Variants in CASQ2 observed in about 807,000 individuals in gnomAD.
The protein encoded by CASQ2 is calsequestrin-2.
In CASQ2, 49 loss-of-function variants were observed where a neutral mutation model predicts 46.5. The observed-to-expected ratio is 1.05, with a 90% CI of 0.84 to 1.34. The LOEUF is 1.34. Among genes scored for constraint, CASQ2 ranks in the 40% most tolerant of loss-of-function variants. The probability of loss-of-function intolerance (pLI) is 0.00; values close to 1 mark genes in which losing one functional copy is unlikely to be tolerated. For synonymous variants in CASQ2, 174 were observed against 168.5 expected (o/e 1.03, Z -0.25); for missense variants, 486 against 481.3 (o/e 1.01, Z -0.09).
chr1:115,739,816 T>C (rs559029561), intron 3 of CASQ2, among the ~76,000 whole-genome samples: 288 of 152,328 alleles, frequency 1.9e-3, no homozygotes, highest in Non-Finnish European at 2.7e-3. Flanking sequence ...AATCACATTG[T>C]TTATTGTTTG....
At chr1:115,706,398 C>T (rs553118644) in intron 8 of CASQ2, among the ~76,000 whole-genome samples, 1 of 152,284 alleles carries the variant, frequency 6.6e-6, no homozygotes, top group South Asian at 2.1e-4. Context: ...AAAAGCCTGT[C>T]AGAAGGCCCC....
In CASQ2 at chr1:115,768,465, G is replaced by A. The variant is rs760629090; in HGVS notation, c.77C>T (p.Pro26Leu). The A allele has an allele frequency of 1.9e-6, 3 of 1,613,670 alleles. No individual in the cohort carries two copies. The highest frequency in any genetic ancestry group is 1.3e-5 in the African/African-American group (1 of 74,880). ...CACTCGGTCCTTCCCATCATATGTGGGGAAATTAAGCCCCTCTTCTGCCCT... is the reference window on the plus strand; with the variant it reads ...CACTCGGTCCTTCCCATCATATGTGAGGAAATTAAGCCCCTCTTCTGCCCT... ...SCRAEEGLNF[P>L]TYDGKDRVVS... Residue 26 changes from proline (P) to leucine (L), a missense_variant, in exon 1 of 11, where the codon CCC becomes CTC. Coordinates refer to ENST00000261448, the MANE Select transcript of CASQ2 (RefSeq NM_001232.4).
chr1:115,712,166 G>C (rs1028109414), intron 8 of CASQ2, among the ~76,000 whole-genome samples: 1 of 152,178 alleles, frequency 6.6e-6, no homozygotes, highest in Non-Finnish European at 1.5e-5. Flanking sequence ...GGACAGACAA[G>C]GCTGGGAGCT....
chr1:115,734,296 G>A (rs1647883881), intron 4 of CASQ2, among the ~76,000 whole-genome samples: 1 of 152,204 alleles, frequency 6.6e-6, no homozygotes, highest in African/African-American at 2.4e-5. Flanking sequence ...GCAGCAGTGG[G>A]CTCTATCAGA....
intron 1 of CASQ2, among the ~76,000 whole-genome samples, chr1:115,766,824 G>T (rs1188916590): frequency 1.3e-5 from 2 of 151,828 alleles, no homozygotes; most frequent in Non-Finnish European, 2.9e-5. Flanking sequence ...TCATGATTTT[G>T]CATAGTCTTT....
intron 8 of CASQ2, among the ~76,000 whole-genome samples, chr1:115,713,564 A>G (rs1021602696): frequency 5.9e-5 from 9 of 152,172 alleles, no homozygotes; most frequent in African/African-American, 1.9e-4. Context: ...CTGGGGGAAG[A>G]AAGTGGTTGG....
At chr1:115,752,639 G>A (rs936367666) in intron 1 of CASQ2, among the ~76,000 whole-genome samples, 4 of 152,182 alleles carry the variant, frequency 2.6e-5, no homozygotes, top group Non-Finnish European at 4.4e-5. Flanking sequence ...TGCTTGAACA[G>A]TGGGCTTATT....
chr1:115,750,215 G>C (rs1201986845), intron 1 of CASQ2, among the ~76,000 whole-genome samples: 2 of 152,202 alleles, frequency 1.3e-5, no homozygotes, highest in East Asian at 3.9e-4. Flanking sequence ...AAAAGGTAGA[G>C]TCAATATATC....
chr1:115,744,499 C>A (rs947427621), intron 2 of CASQ2, among the ~76,000 whole-genome samples: 3 of 152,200 alleles, frequency 2.0e-5, no homozygotes, highest in Admixed American at 2.0e-4. Context: ...GAGATCACCA[C>A]AGTGGTGAGA....
chr1:115,735,940 T>G (rs1647940151), intron 4 of CASQ2, among the ~76,000 whole-genome samples: 3 of 152,008 alleles, frequency 2.0e-5, no homozygotes, highest in Admixed American at 6.5e-5. Flanking sequence ...GGCGGGTGGA[T>G]CATCTGAGGT....
At chr1:115,730,239 A>G (rs1182115477) in intron 5 of CASQ2, among the ~76,000 whole-genome samples, 1 of 152,200 alleles carries the variant, frequency 6.6e-6, no homozygotes, top group Non-Finnish European at 1.5e-5. Context: ...TTGTTGGAGG[A>G]TACTAATATG....
At chr1:115,731,809 G>A (rs982540850) in intron 5 of CASQ2, among the ~76,000 whole-genome samples, 1 of 152,152 alleles carries the variant, frequency 6.6e-6, no homozygotes, top group African/African-American at 2.4e-5. Flanking sequence ...GTGTTGAAAG[G>A]ATGAAGTGAG....
intron 9 of CASQ2, among the ~76,000 whole-genome samples, chr1:115,704,956 C>T (rs571093000): frequency 2.0e-5 from 3 of 152,286 alleles, no homozygotes; most frequent in Non-Finnish European, 4.4e-5. Context: ...TTGGGTGGGA[C>T]CCCGAGGGTC....
At chr1:115,713,306 G>A (rs1654605056) in intron 8 of CASQ2, among the ~76,000 whole-genome samples, 1 of 152,222 alleles carries the variant, frequency 6.6e-6, no homozygotes. Flanking sequence ...GCAGGAGCTG[G>A]AGGAAGACTG....
chr1:115,703,773 G>A (rs867350163), intron 9 of CASQ2, among the ~76,000 whole-genome samples: 7 of 152,020 alleles, frequency 4.6e-5, no homozygotes, highest in Non-Finnish European at 7.4e-5. Context: ...TTAGCTGGGC[G>A]TGGTGGCACA....
At chr1:115,738,476 C>G in intron 3 of CASQ2, 141 bp from the exon 4 acceptor site, 1 of 717,254 alleles carries the variant, frequency 1.4e-6, no homozygotes, top group Non-Finnish European at 2.6e-6. Flanking sequence ...CCCACAATCC[C>G]CCAGTGAGCA....
At position 115,768,599 on chromosome 1, in the gene CASQ2, A is replaced by C. The variant is rs1649210502; in HGVS notation, c.-58T>G. The C allele has an allele frequency of 1.9e-6, 2 of 1,078,522 alleles. No homozygotes were observed. The highest frequency in any genetic ancestry group is 1.9e-5 in the Admixed American group (1 of 52,982). 66.8% of individuals were successfully genotyped at this position (1,078,522 alleles called of 1,614,324 possible). On this transcript the variant is annotated 5_prime_UTR_variant, in exon 1 of 11. Transcript: ENST00000261448. ...TGCTGTGTGCAGAATAGAGGACAGA[A>C]GACTGTTAGAGGCCTTGTTGAGCCA...
At chr1:115,717,813 T>C in intron 8 of CASQ2, 27 bp downstream of exon 8, 1 of 1,553,468 alleles carries the variant, frequency 6.4e-7, no homozygotes. Flanking sequence ...GCTAGAGCTG[T>C]AAAAGAGCAG....
intron 4 of CASQ2, 30 bp from the exon 5 acceptor site, chr1:115,733,004 G>C (rs1647840788): frequency 1.4e-4 from 200 of 1,461,986 alleles, no homozygotes; most frequent in Non-Finnish European, 1.7e-4. Flanking sequence ...TGAAGGGAGA[G>C]ACATTTTCAA....
Sources: gnomAD v4.1 joint callset for allele counts (sites outside exome capture counted in the v4.1 genomes callset) on GRCh38, gnomAD v4.1.1 for gene constraint, MANE v1.5 for transcripts, NCBI Gene and HGNC (gene_info 2026-07-23, HGNC 2026-07-21) for gene names.